GALNT9: variants seen among roughly 807,000 people sequenced by gnomAD.
GALNT9 encodes polypeptide N-acetylgalactosaminyltransferase 9.
Under a neutral mutation model 63.1 loss-of-function variants are expected in GALNT9, and 47 were observed. The ratio of observed to expected loss-of-function variants is 0.75; its 90% CI spans 0.59 to 0.95. The LOEUF (loss-of-function observed/expected upper bound fraction) is 0.95. Among genes scored for constraint, GALNT9 ranks in the 40% least tolerant of loss-of-function variants. The pLI is 0.00. For synonymous variants in GALNT9, 396 were observed against 365.7 expected (o/e 1.08, Z -0.94); for missense variants, 829 against 874.8 (o/e 0.95, Z 0.66).
At chr12:132,321,942 G>A (rs1173527070) in intron 1 of GALNT9, among the ~76,000 whole-genome samples, 5 of 124,748 alleles carry the variant, frequency 4.0e-5, no homozygotes, top group African/African-American at 1.2e-4. Context: ...CCCAGCCCCC[G>A]CCTCGGCCCC....
chr12:132,317,187 C>T (rs1364533034), intron 1 of GALNT9, among the ~76,000 whole-genome samples: 2 of 151,336 alleles, frequency 1.3e-5, no homozygotes, highest in Non-Finnish European at 2.9e-5. Flanking sequence ...CCACAGAGCA[C>T]AGCCTGCATC....
intron 2 of GALNT9, among the ~76,000 whole-genome samples, chr12:132,285,443 A>G (rs1451856468): frequency 1.3e-5 from 2 of 152,160 alleles, no homozygotes; most frequent in Admixed American, 6.5e-5. Context: ...TGTCGCGGCT[A>G]CTCCCTCAGG....
chr12:132,276,428 C>T (rs1269626615), intron 2 of GALNT9: 1 of 155,278 alleles, frequency 6.4e-6, no homozygotes, highest in African/African-American at 2.4e-5. Context: ...CTACTCCCTT[C>T]CCATCCCAGA....
intron 6 of GALNT9, chr12:132,206,035 A>G (rs929148765): frequency 6.6e-6 from 1 of 152,458 alleles, no homozygotes; most frequent in African/African-American, 2.4e-5. Context: ...CGCCTGGCAC[A>G]CTGGCCTCTG....
Position 132,279,188 on chromosome 12 carries a change from T to G in GALNT9, c.419+7062A>C, listed in dbSNP as rs1299265535. ...CCCAGCTCCCTACAACGCGGATTTA[T>G]TCTTATTTCCCACAGGGAAGGCCTA... On this transcript the variant is annotated intron_variant, in intron 2 of 10. Coordinates refer to ENST00000328957, the MANE Select transcript of GALNT9 (RefSeq NM_001122636.2). The surrounding 1 kb of genome is among the most constrained non-coding windows in gnomAD (Gnocchi z 4.1). The G allele has an allele frequency of 6.6e-6, 1 of 152,254 alleles. No individual in the cohort carries two copies. Among genetic ancestry groups the G allele is most frequent in the Non-Finnish European group, 1.5e-5 (1 of 68,062 alleles). 9.4% of individuals were successfully genotyped at this position (152,254 alleles called of 1,614,324 possible).
intron 6 of GALNT9, among the ~76,000 whole-genome samples, chr12:132,214,680 A>T (rs1224157766): frequency 6.6e-6 from 1 of 152,216 alleles, no homozygotes; most frequent in African/African-American, 2.4e-5. Context: ...CCTCCTGTCC[A>T]GCCTGGTGCC....
At chr12:132,260,036 T>TGGGTGCGGGGAACACACCCTGAGGCCC (rs71076423) in intron 4 of GALNT9, among the ~76,000 whole-genome samples, 1 of 104,354 alleles carries the variant, frequency 9.6e-6, no homozygotes, top group African/African-American at 3.0e-5. Flanking sequence ...GGGGCCTGCC[T>TGGGTGCGGGGAACACACCCTGAGGCCC]GGGTGCAGGG....
intron 1 of GALNT9, among the ~76,000 whole-genome samples, chr12:132,328,240 G>A (rs1459212500): frequency 2.6e-5 from 4 of 152,186 alleles, no homozygotes; most frequent in East Asian, 1.9e-4. Context: ...ACCTACGTCC[G>A]CTCGTGATGA....
At position 132,222,892 on chromosome 12, in the gene GALNT9, A is replaced by G. The variant is rs1473936330; in HGVS notation, c.1078-19202T>C. On this transcript the variant is annotated intron_variant, in intron 6 of 10. Transcript: ENST00000328957. The stretch of plus-strand genomic sequence containing the variant: ...ACACAACACACATACACCCCACACA[A>G]CCCGCACCCCACACCCCACATACAT... Among the ~76,000 whole-genome samples the G allele has an allele frequency of 1.1e-3, 11 of 9,980 alleles. 1 individual carries two copies. Among genetic ancestry groups the G allele is most frequent in the Admixed American group, 2.8e-3 (3 of 1,084 alleles). The allele number at this position is 9,980 out of a possible 152,430, so 6.5% of individuals were successfully genotyped here.
At chr12:132,217,650 CATCCATCCATTCCTTT>C (rs1565990445) in intron 6 of GALNT9, among the ~76,000 whole-genome samples, 2 of 150,776 alleles carry the variant, frequency 1.3e-5, no homozygotes, top group East Asian at 2.0e-4. Flanking sequence ...TCCACCCACT[CATCCATCCATTCCTTT>C]ATCCATCCAT....
intron 1 of GALNT9, among the ~76,000 whole-genome samples, chr12:132,321,586 G>A (rs551118122): frequency 2.6e-5 from 4 of 152,104 alleles, no homozygotes; most frequent in Middle Eastern, 3.4e-3. Context: ...CACTCACTTC[G>A]CCCTGACCAC....
intron 1 of GALNT9, among the ~76,000 whole-genome samples, chr12:132,294,327 T>C (rs1446310044): frequency 6.6e-6 from 1 of 152,140 alleles, no homozygotes; most frequent in Non-Finnish European, 1.5e-5. Context: ...AGGCCCCTGA[T>C]GGTGTGAGGC....
intron 6 of GALNT9, among the ~76,000 whole-genome samples, chr12:132,215,019 C>T (rs1362797135): frequency 6.6e-6 from 1 of 152,254 alleles, no homozygotes; most frequent in African/African-American, 2.4e-5. Flanking sequence ...GCCTCTGTAG[C>T]ACCCTCCGCT....
intron 4 of GALNT9, among the ~76,000 whole-genome samples, chr12:132,260,228 C>T (rs1555239589): frequency 6.6e-6 from 1 of 152,136 alleles, no homozygotes; most frequent in Admixed American, 6.5e-5. Context: ...CCCTCAGGAG[C>T]TGAGAGAGGT....
At chr12:132,293,817 C>T (rs111799668) in intron 1 of GALNT9, among the ~76,000 whole-genome samples, 1 of 151,676 alleles carries the variant, frequency 6.6e-6, no homozygotes, top group Admixed American at 6.6e-5. Context: ...ACAGTCAGGG[C>T]CAGAACGAGA....
intron 2 of GALNT9, among the ~76,000 whole-genome samples, chr12:132,285,144 G>A (rs1555242043): frequency 6.6e-6 from 1 of 152,342 alleles, no homozygotes; most frequent in Non-Finnish European, 1.5e-5. Context: ...CTGCAGAGGG[G>A]GCTGCCCTCC....
intron 5 of GALNT9, among the ~76,000 whole-genome samples, chr12:132,249,504 C>T (rs550014220): frequency 3.3e-5 from 5 of 152,208 alleles, no homozygotes; most frequent in South Asian, 2.1e-4. Context: ...CATTAGATTT[C>T]GGCCACAAAC....
chr12:132,208,879 G>A (rs1876834333), intron 6 of GALNT9, among the ~76,000 whole-genome samples: 1 of 152,206 alleles, frequency 6.6e-6, no homozygotes, highest in Non-Finnish European at 1.5e-5. Context: ...CTTGCATGCA[G>A]CACATAGTAC....
At chr12:132,258,659 C>T (rs917163991) in intron 4 of GALNT9, among the ~76,000 whole-genome samples, 6 of 152,194 alleles carry the variant, frequency 3.9e-5, no homozygotes, top group Admixed American at 3.9e-4. Context: ...GGCCAGGAGG[C>T]CGGACAGAGC....
Sources: allele counts gnomAD v4.1 joint callset (sites outside exome capture counted in the v4.1 genomes callset), GRCh38; gene constraint gnomAD v4.1.1; non-coding constraint Gnocchi (gnomAD v3.1); transcripts MANE v1.5; gene names NCBI Gene and HGNC (gene_info 2026-07-23, HGNC 2026-07-21).